The following PRMT8 variants were observed in gnomAD, a reference collection of about 807,000 sequenced individuals.
PRMT8 encodes the protein protein arginine methyltransferase 8.
A neutral mutation model predicts 47.1 loss-of-function variants in PRMT8; 7 were observed. The observed-to-expected ratio is 0.15, with a 90% CI of 0.08 to 0.28. The LOEUF (loss-of-function observed/expected upper bound fraction) is 0.28, where lower values mean the gene tolerates loss of function less well. Ranked by LOEUF, PRMT8 falls within the 10% of genes least tolerant of loss-of-function variation. The pLI is 1.00. For synonymous variants in PRMT8, 188 were observed against 186.5 expected (o/e 1.01, Z -0.07); for missense variants, 237 against 505.4 (o/e 0.47, Z 5.09).
Position 3,508,806 on chromosome 12 carries a change from A to G in PRMT8, c.75+17106A>G, listed in dbSNP as rs1038262677. On this transcript the variant is annotated intron_variant, in intron 1 of 9. Coordinates refer to ENST00000382622, the MANE Select transcript of PRMT8 (RefSeq NM_019854.5). This position sits in a 1 kb window ranked among gnomAD's most constrained non-coding sequence, Gnocchi z 4.9. ...ATCTTCACTGAGATGTCTCATAGGCACCTCAGGTTCGCTGGGTTGCCTCCG... is the reference window on the plus strand; with the variant it reads ...ATCTTCACTGAGATGTCTCATAGGCGCCTCAGGTTCGCTGGGTTGCCTCCG... Among the ~76,000 whole-genome samples the G allele has an allele frequency of 3.9e-5, 6 of 152,146 alleles. No individual in the cohort carries two copies. Among genetic ancestry groups the G allele is most frequent in the African/African-American group, 1.4e-4 (6 of 41,418 alleles).
intron 1 of PRMT8, among the ~76,000 whole-genome samples, chr12:3,395,543 G>A (rs1864240669): frequency 6.6e-6 from 1 of 151,898 alleles, no homozygotes; most frequent in Non-Finnish European, 1.5e-5. Context: ...TCTTAATCCT[G>A]AGTTCTAGTT....
In PRMT8 at chr12:3,576,942, A is replaced by G. The variant is rs1189382000; in HGVS notation, c.784A>G (p.Ile262Val). ...GGCCATGAAGGAGCCTCTAGTGGAC[A>G]TCGTGGATCCAAAGCAAGTGGTGAC... ...DVAMKEPLVD[I>V]VDPKQVVTNA... is the part of the protein sequence containing the mutation. Residue 262 changes from isoleucine (I) to valine (V), a missense_variant, in exon 7 of 10, where the codon ATC (isoleucine) becomes GTC (valine). Coordinates refer to ENST00000382622, the MANE Select transcript of PRMT8 (RefSeq NM_019854.5). This position sits in a 1 kb window ranked among gnomAD's most constrained non-coding sequence, Gnocchi z 4.0. 9 of 1,601,356 alleles carry G rather than the reference A, an allele frequency of 5.6e-6. No individual in the cohort carries two copies. The highest frequency in any genetic ancestry group is 1.1e-5 in the South Asian group (1 of 90,846).
At chr12:3,468,530 G>A (rs891368780) in intron 1 of PRMT8, among the ~76,000 whole-genome samples, 2 of 152,236 alleles carry the variant, frequency 1.3e-5, no homozygotes, top group African/African-American at 4.8e-5. Flanking sequence ...CTGAGGCCCA[G>A]TCGTTGGCAT....
chr12:3,546,988 A>G (rs1866337188), intron 2 of PRMT8, among the ~76,000 whole-genome samples: 1 of 152,234 alleles, frequency 6.6e-6, no homozygotes, highest in African/African-American at 2.4e-5. Context: ...CAATCTGTGA[A>G]GTTCACCCCA....
At chr12:3,555,216 G>C (rs915832266) in intron 4 of PRMT8, among the ~76,000 whole-genome samples, 1 of 152,212 alleles carries the variant, frequency 6.6e-6, no homozygotes, top group Non-Finnish European at 1.5e-5. Flanking sequence ...GACACTCAAA[G>C]AAAAATATCA....
At chr12:3,387,279 C>G (rs1183678701) in intron 1 of PRMT8, among the ~76,000 whole-genome samples, 2 of 152,164 alleles carry the variant, frequency 1.3e-5, no homozygotes, top group African/African-American at 2.4e-5. Context: ...AAGAGGATGT[C>G]AAAAGAGAAA....
In PRMT8 at chr12:3,492,667, G is replaced by A. The variant is rs1865441729; in HGVS notation, c.75+967G>A. Among the ~76,000 whole-genome samples the A allele has an allele frequency of 6.6e-6, 1 of 152,158 alleles. No homozygotes were observed. Among genetic ancestry groups the A allele is most frequent in the Non-Finnish European group, 1.5e-5 (1 of 68,024 alleles). On this transcript the variant is annotated intron_variant, in intron 1 of 9. Coordinates refer to ENST00000382622, the MANE Select transcript of PRMT8 (RefSeq NM_019854.5). The surrounding 1 kb of genome is among the most constrained non-coding windows in gnomAD (Gnocchi z 7.5). ...TGACCCCGCTGTCATTACAACAACC[G>A]GACTATTCCGTAGGCTCTGGGCACC... is the stretch of plus-strand genomic sequence containing the variant.
rs369031773 is a variant in PRMT8 at position 3,442,800 on chromosome 12, A to G, written c.48+61358A>G. On this transcript the variant is annotated intron_variant, in intron 1 of 9. Transcript: ENST00000452611. Reference sequence around the variant, plus strand: ...CAGCCTCCTGAGTAGCTGGGACTACAGGTGTGTGCCACCACACCTGGCTAA... The same window carrying G: ...CAGCCTCCTGAGTAGCTGGGACTACGGGTGTGTGCCACCACACCTGGCTAA... Among the ~76,000 whole-genome samples, 614 of 152,224 alleles carry G rather than the reference A, an allele frequency of 4.0e-3. 4 individuals are homozygous for G. The highest frequency in any genetic ancestry group is 0.014 in the African/African-American group (587 of 41,524).
chr12:3,493,636 G>A lies in PRMT8; in HGVS notation c.75+1936G>A, dbSNP rs148977153. ...CTCCCAGCCTCGGCGAGGGTTAAAG[G>A]CGTCCGGAGCAGGCAGAGCGCCGCG... On this transcript the variant is annotated intron_variant, in intron 1 of 9. Transcript: ENST00000382622. This position sits in a 1 kb window ranked among gnomAD's most constrained non-coding sequence, Gnocchi z 8.2. 6.6e-6 allele frequency among the ~76,000 whole-genome samples: 1 copy of A among 152,168 alleles called. No individual in the cohort carries two copies. Among genetic ancestry groups the A allele is most frequent in the African/African-American group, 2.4e-5 (1 of 41,414 alleles).
chr12:3,581,058 C>T (rs1867052007), intron 7 of PRMT8, among the ~76,000 whole-genome samples: 2 of 152,158 alleles, frequency 1.3e-5, no homozygotes, highest in Non-Finnish European at 2.9e-5. Context: ...GAGGAAGGGG[C>T]TTGGCCGACC....
intron 1 of PRMT8, among the ~76,000 whole-genome samples, chr12:3,480,415 T>G (rs893177410): frequency 2.0e-5 from 3 of 152,166 alleles, no homozygotes; most frequent in African/African-American, 7.2e-5. Context: ...TTCACAATCT[T>G]AGAATGGAAG....
Position 3,493,777 on chromosome 12 carries a change from C to T in PRMT8, c.75+2077C>T, listed in dbSNP as rs1349165105. On this transcript the variant is annotated intron_variant, in intron 1 of 9. Coordinates refer to ENST00000382622, the MANE Select transcript of PRMT8 (RefSeq NM_019854.5). This position sits in a 1 kb window ranked among gnomAD's most constrained non-coding sequence, Gnocchi z 8.2. ...AAACAGCAGTAGGGGCGGCCGGGCT[C>T]CTGCGAACAACAACAAAACAAACAA... 6.6e-6 allele frequency among the ~76,000 whole-genome samples: 1 copy of T among 152,232 alleles called. No homozygotes were observed. The highest frequency in any genetic ancestry group is 1.9e-4 in the East Asian group (1 of 5,190).
chr12:3,505,165 C>T lies in PRMT8; in HGVS notation c.75+13465C>T, dbSNP rs1049496706. ...AAATGCAGAAATCACCCGTCTTCTG[C>T]GTTGCTCACGCTGGGAGCTGTAGAC... On this transcript the variant is annotated intron_variant, in intron 1 of 9. Transcript: ENST00000382622. Among the ~76,000 whole-genome samples, 5 of 151,780 alleles carry T rather than the reference C, an allele frequency of 3.3e-5. No individual in the cohort carries two copies. In the South Asian group the frequency reaches 6.3e-4, roughly 19 times the overall value.
At chr12:3,499,161 T>TA (rs1555086094) in intron 1 of PRMT8, among the ~76,000 whole-genome samples, 20 of 149,032 alleles carry the variant, frequency 1.3e-4, no homozygotes, top group African/African-American at 5.1e-4. Context: ...CTATTTTTAT[T>TA]TTTATTTATT....
intron 1 of PRMT8, among the ~76,000 whole-genome samples, chr12:3,528,653 AT>A (rs137952745): frequency 0.017 from 2,527 of 151,566 alleles, 77 homozygotes; most frequent in African/African-American, 0.057. Flanking sequence ...TGTATGATTG[AT>A]TTTTTTTCTT....
chr12:3,392,798 C>T (rs1394834189), intron 1 of PRMT8, among the ~76,000 whole-genome samples: 1 of 151,736 alleles, frequency 6.6e-6, no homozygotes, highest in Non-Finnish European at 1.5e-5. Flanking sequence ...CTGACTTCCA[C>T]AATGGTTGAA....
At chr12:3,403,484 A>G (rs1462960934) in intron 1 of PRMT8, among the ~76,000 whole-genome samples, 2 of 140,788 alleles carry the variant, frequency 1.4e-5, no homozygotes, top group Non-Finnish European at 3.0e-5. Flanking sequence ...AAAGTTGAAG[A>G]AAAAAAAAAA....
chr12:3,571,794 A>T (rs1206860389), intron 6 of PRMT8, among the ~76,000 whole-genome samples: 1 of 152,164 alleles, frequency 6.6e-6, no homozygotes, highest in Admixed American at 6.5e-5. Context: ...TTTTTTTGTA[A>T]AGGAAGCAAA....
At chr12:3,429,190 C>T (rs1565405388) in intron 1 of PRMT8, among the ~76,000 whole-genome samples, 1 of 152,144 alleles carries the variant, frequency 6.6e-6, no homozygotes, top group Non-Finnish European at 1.5e-5. Flanking sequence ...TGTCTATGTA[C>T]AGGAACTGGT....
Sources: gnomAD v4.1 joint callset for allele counts (sites outside exome capture counted in the v4.1 genomes callset) on GRCh38, gnomAD v4.1.1 for gene constraint, Gnocchi (gnomAD v3.1) non-coding constraint, MANE v1.5 for transcripts, NCBI Gene and HGNC (gene_info 2026-07-23, HGNC 2026-07-21) for gene names.